The following FOXP1 variants were observed in gnomAD, a reference collection of about 807,000 sequenced individuals.
The protein encoded by FOXP1 is forkhead box P1.
Under a neutral mutation model 98.2 loss-of-function variants are expected in FOXP1, and 15 were observed. The ratio of observed to expected loss-of-function variants is 0.15; its 90% CI spans 0.10 to 0.24. The LOEUF is 0.24. Ranked by LOEUF, FOXP1 falls within the 10% of genes least tolerant of loss-of-function variation. FOXP1 has a pLI of 1.00. For synonymous variants in FOXP1, 371 were observed against 314.5 expected (o/e 1.18, Z -1.90); for missense variants, 633 against 848.5 (o/e 0.75, Z 3.15).
intron 3 of FOXP1, among the ~76,000 whole-genome samples, chr3:71,377,560 G>A (rs2079815334): frequency 6.6e-6 from 1 of 152,064 alleles, no homozygotes; most frequent in Admixed American, 6.5e-5. Flanking sequence ...ACCCCCCCAA[G>A]GTCACCGAGT....
Position 71,112,626 on chromosome 3 carries a change from C to T in FOXP1, c.192G>A (p.Val64=). The T allele has an allele frequency of 6.2e-7, 1 of 1,613,796 alleles. No homozygotes were observed. The highest frequency in any genetic ancestry group is 8.5e-7 in the Non-Finnish European group (1 of 1,179,734). The change falls in exon 7 of 21, where the codon GTG becomes GTA. Residue 64 remains valine (V), a synonymous_variant. Coordinates refer to ENST00000649528, the MANE Select transcript of FOXP1 (RefSeq NM_001349338.3). ...GCTGCTGAAGAAGGAGCTGTCTTGC[C>T]ACCTGAAGTGCCTGGAAGGAAAAAC... ...AQQQQQQALQ[V]ARQLLLQQQQ...
At chr3:71,091,352 G>A (rs2055820904) in intron 7 of FOXP1, among the ~76,000 whole-genome samples, 1 of 152,168 alleles carries the variant, frequency 6.6e-6, no homozygotes, top group Admixed American at 6.5e-5. Context: ...AATGAGCTGG[G>A]CATGGTGGCA....
intron 3 of FOXP1, among the ~76,000 whole-genome samples, chr3:71,443,666 C>T (rs2086152518): frequency 6.6e-6 from 1 of 152,186 alleles, no homozygotes; most frequent in Admixed American, 6.5e-5. Context: ...GAACCTGCAT[C>T]CCTAGCAAGC....
intron 5 of FOXP1, among the ~76,000 whole-genome samples, chr3:71,239,265 C>T (rs976087908): frequency 6.6e-6 from 1 of 152,128 alleles, no homozygotes; most frequent in Admixed American, 6.5e-5. Context: ...AAAAGCTGCC[C>T]AGGCACGGTG....
At chr3:71,231,202 C>T (rs553147129) in intron 5 of FOXP1, among the ~76,000 whole-genome samples, 2 of 152,254 alleles carry the variant, frequency 1.3e-5, no homozygotes, top group African/African-American at 4.8e-5. Context: ...CAATTTTATA[C>T]ATCCTGACAA....
chr3:71,246,853 G>A (rs2067789164), intron 5 of FOXP1, among the ~76,000 whole-genome samples: 1 of 152,138 alleles, frequency 6.6e-6, no homozygotes, highest in East Asian at 1.9e-4. Flanking sequence ...GCCTGTCTCA[G>A]AGAAAATTGC....
chr3:71,083,339 G>A (rs1441863936), intron 7 of FOXP1, among the ~76,000 whole-genome samples: 1 of 152,070 alleles, frequency 6.6e-6, no homozygotes, highest in Non-Finnish European at 1.5e-5. Flanking sequence ...AGGCCTCCCC[G>A]GAAGCTCAGC....
rs553754790 is a variant in FOXP1 at position 71,261,464 on chromosome 3, AT to A, written c.-12+38355del. Among the ~76,000 whole-genome samples, 661 of 152,210 alleles carry A rather than the reference AT, an allele frequency of 4.3e-3. 3 individuals carry two copies. Among genetic ancestry groups the A allele is most frequent in the Non-Finnish European group, 6.0e-3 (405 of 67,990 alleles). On this transcript the variant is annotated intron_variant, in intron 5 of 20. Transcript: ENST00000649528. ...ATAACACAGAGAAAAACAGACTTTTATTTCCGATAGTTAGACCAAAATATTA... is the reference window on the plus strand; with the variant it reads ...ATAACACAGAGAAAAACAGACTTTTATTCCGATAGTTAGACCAAAATATTA...
chr3:71,349,077 T>C (rs941521701), intron 4 of FOXP1, among the ~76,000 whole-genome samples: 2 of 152,210 alleles, frequency 1.3e-5, no homozygotes, highest in East Asian at 1.9e-4. Context: ...GTGGTCAGAA[T>C]TGGAATATAA....
At chr3:71,063,525 C>T (rs1475316908) in intron 7 of FOXP1, among the ~76,000 whole-genome samples, 1 of 152,186 alleles carries the variant, frequency 6.6e-6, no homozygotes, top group Non-Finnish European at 1.5e-5. Flanking sequence ...AAAACAAAAA[C>T]AGCAAAACAG....
intron 3 of FOXP1, among the ~76,000 whole-genome samples, chr3:71,430,388 A>G (rs2084597815): frequency 6.6e-6 from 1 of 152,204 alleles, no homozygotes; most frequent in South Asian, 2.1e-4. Context: ...ATGAAATTTT[A>G]TAACAGATGA....
chr3:71,407,275 G>A (rs900520191), intron 3 of FOXP1, among the ~76,000 whole-genome samples: 18 of 152,182 alleles, frequency 1.2e-4, no homozygotes, highest in African/African-American at 4.3e-4. Context: ...GTTTCACTGG[G>A]TTTGTGTATT....
At chr3:71,179,876 G>A (rs6783607) in intron 6 of FOXP1, among the ~76,000 whole-genome samples, 1,650 of 152,196 alleles carry the variant, frequency 0.011, 30 homozygotes, top group African/African-American at 0.037. Flanking sequence ...TAATTGTGCC[G>A]TTGAAAATTC....
At position 71,246,020 on chromosome 3, in the gene FOXP1, G is replaced by A. The variant is rs905757967; in HGVS notation, c.-11-47628C>T. On this transcript the variant is annotated intron_variant, in intron 5 of 20. Coordinates refer to ENST00000649528, the MANE Select transcript of FOXP1 (RefSeq NM_001349338.3). ...ACCACCCCCCCCCCACCACAAAGCAGTGAGTGAAACATCCCACTCAAAGGT... is the reference window on the plus strand; with the variant it reads ...ACCACCCCCCCCCCACCACAAAGCAATGAGTGAAACATCCCACTCAAAGGT... Among the ~76,000 whole-genome samples, 5 of 151,068 alleles carry A rather than the reference G, an allele frequency of 3.3e-5. No individual in the cohort carries two copies. The South Asian group carries it at 8.4e-4, about 25-fold the overall frequency.
chr3:70,988,149 T>C (rs1330441227), intron 13 of FOXP1, 72 bp from the exon 14 acceptor site: 1 of 1,288,410 alleles, frequency 7.8e-7, no homozygotes, highest in Admixed American at 1.7e-5. Flanking sequence ...AAATGATACA[T>C]ATTACAAATT....
intron 11 of FOXP1, among the ~76,000 whole-genome samples, chr3:71,035,752 ATTG>A (rs138872429): frequency 2.9e-3 from 443 of 152,198 alleles, no homozygotes; most frequent in African/African-American, 0.01. Flanking sequence ...ATAAATACAA[ATTG>A]TCCTCTGATT....
At chr3:71,219,234 A>C (rs996511199) in intron 5 of FOXP1, among the ~76,000 whole-genome samples, 1 of 152,150 alleles carries the variant, frequency 6.6e-6, no homozygotes, top group Non-Finnish European at 1.5e-5. Context: ...TGCAACTCCT[A>C]GTCTGGCCAT....
At chr3:71,066,078 G>A (rs1288984) in intron 7 of FOXP1, among the ~76,000 whole-genome samples, 132,590 of 141,352 alleles carry the variant, frequency 0.94, 62,720 homozygotes, top group East Asian at 1. Context: ...ATCAATGAAT[G>A]CCTATTTGCC....
At chr3:71,371,383 C>A (rs936070232) in intron 3 of FOXP1, among the ~76,000 whole-genome samples, 4 of 152,172 alleles carry the variant, frequency 2.6e-5, no homozygotes, top group Non-Finnish European at 5.9e-5. Flanking sequence ...CCCAAAGAAG[C>A]CTACTCTCAA....
Sources: allele counts gnomAD v4.1 joint callset (sites outside exome capture counted in the v4.1 genomes callset), GRCh38; gene constraint gnomAD v4.1.1; transcripts MANE v1.5; gene names NCBI Gene and HGNC (gene_info 2026-07-23, HGNC 2026-07-21).